The following TRIM35 variants were observed in gnomAD, a reference collection of about 807,000 sequenced individuals.
TRIM35 encodes E3 ubiquitin-protein ligase TRIM35.
TRIM35 carries 37 observed loss-of-function variants against 49.1 expected under a neutral mutation model. The observed-to-expected ratio is 0.75, with a 90% CI of 0.58 to 0.99. The LOEUF is 0.99. TRIM35 is among the 50% of genes least tolerant of loss of function. TRIM35 has a pLI of 0.00. For missense variants in TRIM35, 648 were observed against 702.7 expected (o/e 0.92, Z 0.88); for synonymous variants, 302 against 289.3 (o/e 1.04, Z -0.45).
Position 27,311,149 on chromosome 8 carries a change from G to A in TRIM35, c.87C>T (p.Arg29=), listed in dbSNP as rs1411206844. The A allele has an allele frequency of 6.2e-7, 1 of 1,606,350 alleles. No homozygotes were observed. The highest frequency in any genetic ancestry group is 1.1e-5 in the South Asian group (1 of 89,416). Residue 29 remains arginine (R), a synonymous_variant, in exon 1 of 6, where the codon CGC becomes CGT. Transcript: ENST00000305364. ...LLCAVCYDPF[R]DAVTLRCGHN... is the part of the protein sequence containing the mutation. ...GGCCGCAGCGCAGAGTGACTGCGTC[G>A]CGGAAGGGGTCGTAGCAGACGGCGC...
intron 1 of TRIM35, among the ~76,000 whole-genome samples, chr8:27,303,845 C>T (rs1362427546): frequency 3.3e-5 from 5 of 152,112 alleles, no homozygotes; most frequent in East Asian, 1.9e-4. Context: ...AAGTGCCTGC[C>T]GCCATGCCCA....
At chr8:27,306,055 C>A (rs1462742222) in intron 1 of TRIM35, among the ~76,000 whole-genome samples, 1 of 152,110 alleles carries the variant, frequency 6.6e-6, no homozygotes, top group Non-Finnish European at 1.5e-5. Flanking sequence ...AAGCAATCCT[C>A]CTGCCTCAGC....
intron 1 of TRIM35, among the ~76,000 whole-genome samples, chr8:27,308,007 G>T (rs1284751521): frequency 6.6e-6 from 1 of 152,178 alleles, no homozygotes; most frequent in Non-Finnish European, 1.5e-5. Flanking sequence ...TGAGAGGGAG[G>T]TAGTAGAACT....
intron 1 of TRIM35, among the ~76,000 whole-genome samples, chr8:27,307,359 C>G (rs1027951764): frequency 1.3e-5 from 2 of 152,036 alleles, no homozygotes; most frequent in South Asian, 2.1e-4. Context: ...CACACACACA[C>G]TGCTCGCCGC....
chr8:27,292,683 G>T (rs1000123031), intron 3 of TRIM35, among the ~76,000 whole-genome samples: 4 of 152,186 alleles, frequency 2.6e-5, no homozygotes, highest in Admixed American at 1.3e-4. Context: ...TTCGGTAGCA[G>T]TTTTTATGTG....
chr8:27,304,358 T>TA (rs1802740025), intron 1 of TRIM35, among the ~76,000 whole-genome samples: 1 of 152,254 alleles, frequency 6.6e-6, no homozygotes, highest in Non-Finnish European at 1.5e-5. Context: ...TGAGACTTGA[T>TA]ACACACTGTT....
intron 5 of TRIM35, among the ~76,000 whole-genome samples, chr8:27,288,956 C>T (rs1310935986): frequency 6.6e-6 from 1 of 152,132 alleles, no homozygotes; most frequent in Non-Finnish European, 1.5e-5. Context: ...GGCATTCTAC[C>T]AGGAGGGTTG....
At chr8:27,309,236 A>G (rs1467406627) in intron 1 of TRIM35, among the ~76,000 whole-genome samples, 1 of 152,172 alleles carries the variant, frequency 6.6e-6, no homozygotes, top group Non-Finnish European at 1.5e-5. Flanking sequence ...GGCATCAGTC[A>G]TGACCTGAAC....
Position 27,287,832 on chromosome 8 carries a change from G to A in TRIM35, c.1200C>T (p.Cys400=), listed in dbSNP as rs369531996. The A allele has an allele frequency of 7.4e-6, 12 of 1,612,186 alleles. No homozygotes were observed. The highest frequency in any genetic ancestry group is 1.7e-5 in the Admixed American group (1 of 59,854). The change falls in exon 6 of 6, where the codon TGC becomes TGT. Residue 400 remains cysteine (C), a synonymous_variant. Transcript: ENST00000305364. This position sits in a 1 kb window ranked among gnomAD's most constrained non-coding sequence, Gnocchi z 6.0. ...GGTCCCCCTCCACGCCCTGCGTGCGGCAGACATACCAGAAGCCCGAGCGTG... is the reference window on the plus strand; with the variant it reads ...GGTCCCCCTCCACGCCCTGCGTGCGACAGACATACCAGAAGCCCGAGCGTG... ...HDTRSGFWYV[C]RTQGVEGDHC... is the part of the protein sequence containing the mutation.
chr8:27,289,909 C>T (rs1245743388), intron 4 of TRIM35, among the ~76,000 whole-genome samples: 1 of 152,154 alleles, frequency 6.6e-6, no homozygotes, highest in African/African-American at 2.4e-5. Flanking sequence ...CTTCCCTGCA[C>T]GGCAGGTGGG....
At chr8:27,293,283 G>C (rs564923138) in intron 3 of TRIM35, among the ~76,000 whole-genome samples, 2 of 151,764 alleles carry the variant, frequency 1.3e-5, no homozygotes, top group Non-Finnish European at 2.9e-5. Flanking sequence ...ACCAGCTTTC[G>C]AGCCCAGAAA....
chr8:27,293,626 G>A (rs1802500182), intron 3 of TRIM35, among the ~76,000 whole-genome samples: 1 of 152,040 alleles, frequency 6.6e-6, no homozygotes, highest in South Asian at 2.1e-4. Context: ...CATCACTTGA[G>A]GCCAGGGATT....
intron 1 of TRIM35, chr8:27,304,844 C>G (rs1175021655): frequency 2.2e-6 from 1 of 456,204 alleles, no homozygotes; most frequent in Admixed American, 2.4e-5. Context: ...TAAAAAGTTC[C>G]TTCTCTCTTC....
chr8:27,310,304 A>T (rs1802896130), intron 1 of TRIM35, among the ~76,000 whole-genome samples: 2 of 152,244 alleles, frequency 1.3e-5, no homozygotes, highest in Admixed American at 6.5e-5. Flanking sequence ...CCAGGGTCAG[A>T]GACCTCTCAC....
At position 27,286,000 on chromosome 8, in the gene TRIM35, A is replaced by G. The variant is rs112774263; in HGVS notation, c.*1550T>C. On this transcript the variant is annotated 3_prime_UTR_variant, in exon 6 of 6. Coordinates refer to ENST00000305364, the MANE Select transcript of TRIM35 (RefSeq NM_171982.5). ...GCCTTAAGTTTTATCTAACCAGTGT[A>G]CACAACATATTTATAACCAATTAAT... The G allele has an allele frequency of 1.6e-5, 7 of 440,064 alleles. No homozygotes were observed. In the East Asian group the frequency reaches 4.9e-4, roughly 31 times the overall value. 27.3% of individuals were successfully genotyped at this position (440,064 alleles called of 1,614,324 possible).
intron 1 of TRIM35, among the ~76,000 whole-genome samples, chr8:27,303,028 A>C (rs1010431128): frequency 6.6e-6 from 1 of 152,188 alleles, no homozygotes; most frequent in African/African-American, 2.4e-5. Context: ...GAAAGCTTTC[A>C]ATGTTTTGCC....
rs780047474 is a variant in TRIM35, at chr8:27,288,075, G to A, written c.957C>T (p.Asp319=). The A allele has an allele frequency of 1.6e-5, 26 of 1,612,014 alleles. No homozygotes were observed. Among genetic ancestry groups the A allele is most frequent in the Middle Eastern group, 1.6e-4 (1 of 6,084 alleles). ...NTAAGWLSVS[D]DLTSVTNHGY... ...CATGGTTGGTGACGCTGGTGAGGTC[G>A]TCAGACACGGAGAGCCAGCCAGCTG... is the stretch of plus-strand genomic sequence containing the variant. The change falls in exon 6 of 6, where the codon GAC becomes GAT. Residue 319 remains aspartate (D), a synonymous_variant. Coordinates refer to ENST00000305364, the MANE Select transcript of TRIM35 (RefSeq NM_171982.5).
chr8:27,293,783 G>A (rs537844248), intron 3 of TRIM35, among the ~76,000 whole-genome samples: 4 of 152,220 alleles, frequency 2.6e-5, no homozygotes, highest in African/African-American at 7.2e-5. Context: ...GAGCCCATGA[G>A]TTTGAGGTTA....
At position 27,286,371 on chromosome 8, in the gene TRIM35, C is replaced by A; in HGVS notation, c.*1179G>T. 1 of 344,780 alleles carries A rather than the reference C, an allele frequency of 2.9e-6. No individual in the cohort carries two copies. Among genetic ancestry groups the A allele is most frequent in the South Asian group, 2.2e-5 (1 of 44,456 alleles). The allele number at this position is 344,780 out of a possible 1,614,324, so 21.4% of individuals were successfully genotyped here. A position where few individuals can be genotyped will look rare whatever the true frequency, so the allele number is the denominator to read the frequency against. On this transcript the variant is annotated 3_prime_UTR_variant, in exon 6 of 6. Coordinates refer to ENST00000305364, the MANE Select transcript of TRIM35 (RefSeq NM_171982.5). Reference sequence around the variant, plus strand: ...CAGCCTCCTCTTCCCTCTCCCACAGCGTTTAGGGCCACGTCCATGGCGCCA... The same window carrying A: ...CAGCCTCCTCTTCCCTCTCCCACAGAGTTTAGGGCCACGTCCATGGCGCCA...
Sources: allele counts gnomAD v4.1 joint callset (sites outside exome capture counted in the v4.1 genomes callset), GRCh38; gene constraint gnomAD v4.1.1; non-coding constraint Gnocchi (gnomAD v3.1); transcripts MANE v1.5; gene names NCBI Gene and HGNC (gene_info 2026-07-23, HGNC 2026-07-21).